PLD5: variants seen among roughly 807,000 people sequenced by gnomAD.
The protein encoded by PLD5 is inactive phospholipase D5.
A neutral mutation model predicts 61.1 loss-of-function variants in PLD5; 36 were observed. That is an observed-to-expected ratio of 0.59 (90% CI 0.45 to 0.78). The LOEUF is 0.78. PLD5 is among the 30% of genes least tolerant of loss of function. The probability of loss-of-function intolerance (pLI) is 0.00; values close to 1 mark genes in which losing one functional copy is unlikely to be tolerated. For synonymous variants in PLD5, 243 were observed against 242.8 expected (o/e 1.00, Z -0.01); for missense variants, 515 against 644.4 (o/e 0.80, Z 2.17).
At chr1:242,155,050 G>A (rs1017971966) in intron 5 of PLD5, among the ~76,000 whole-genome samples, 19 of 151,964 alleles carry the variant, frequency 1.3e-4, no homozygotes, top group Non-Finnish European at 2.6e-4. Flanking sequence ...TCAGGGATTT[G>A]GCTTCTTCCT....
At chr1:242,439,725 A>G (rs1295249500) in intron 1 of PLD5, among the ~76,000 whole-genome samples, 1 of 152,216 alleles carries the variant, frequency 6.6e-6, no homozygotes, top group Non-Finnish European at 1.5e-5. Context: ...CATTTGTCTC[A>G]TCTTCCTCTG....
intron 1 of PLD5, among the ~76,000 whole-genome samples, chr1:242,506,560 C>T (rs920909909): frequency 7.2e-5 from 11 of 152,112 alleles, no homozygotes; most frequent in Non-Finnish European, 1.3e-4. Context: ...CAGGATGTAA[C>T]CCAGGCACTG....
intron 6 of PLD5, among the ~76,000 whole-genome samples, chr1:242,118,643 A>T (rs1662132285): frequency 6.6e-6 from 1 of 152,218 alleles, no homozygotes; most frequent in Non-Finnish European, 1.5e-5. Flanking sequence ...GGGTATTTCC[A>T]AACCTGTGTC....
At chr1:242,213,161 G>T (rs1669935896) in intron 5 of PLD5, among the ~76,000 whole-genome samples, 1 of 152,134 alleles carries the variant, frequency 6.6e-6, no homozygotes, top group African/African-American at 2.4e-5. Flanking sequence ...TGACTTAAAA[G>T]ACTGTTTTTA....
At chr1:242,351,269 G>A (rs1007879441) in intron 1 of PLD5, among the ~76,000 whole-genome samples, 2 of 152,106 alleles carry the variant, frequency 1.3e-5, no homozygotes, top group African/African-American at 2.4e-5. Flanking sequence ...CAAATAGAAG[G>A]TGTTCAAGAA....
Position 242,194,606 on chromosome 1 carries a change from G to GTATC in PLD5, c.735+25378_735+25381dup, listed in dbSNP as rs61470956. Reference sequence around the variant, plus strand: ...TCTATCTATCTATCTATCTATCTATGTATCTATCTATGTATCTATCTATCT... The same window carrying GTATC: ...TCTATCTATCTATCTATCTATCTATGTATCTATCTATCTATGTATCTATCTATCT... On this transcript the variant is annotated intron_variant, in intron 5 of 9. Transcript: ENST00000536534. Among the ~76,000 whole-genome samples, 886 of 123,518 alleles carry GTATC rather than the reference G, an allele frequency of 7.2e-3. 8 individuals are homozygous for GTATC. Among genetic ancestry groups the GTATC allele is most frequent in the African/African-American group, 0.011 (352 of 33,022 alleles). The allele number at this position is 123,518 out of a possible 152,430, so 81.0% of individuals were successfully genotyped here. A position where few individuals can be genotyped will look rare whatever the true frequency, so the allele number is the denominator to read the frequency against.
At chr1:242,280,081 T>C (rs964209079) in intron 3 of PLD5, among the ~76,000 whole-genome samples, 3 of 152,196 alleles carry the variant, frequency 2.0e-5, no homozygotes, top group Non-Finnish European at 2.9e-5. Context: ...TATTATCTAA[T>C]TGAATTCACC....
chr1:242,110,882 C>G (rs1439211056), intron 7 of PLD5, among the ~76,000 whole-genome samples: 1 of 152,136 alleles, frequency 6.6e-6, no homozygotes, highest in African/African-American at 2.4e-5. Context: ...AAAGGCTAAT[C>G]AGGCTACATT....
At chr1:242,160,326 AG>A (rs11349194) in intron 5 of PLD5, among the ~76,000 whole-genome samples, 11,632 of 152,210 alleles carry the variant, frequency 0.076, 542 homozygotes, top group Middle Eastern at 0.13. Flanking sequence ...TTTTAGAATC[AG>A]AAGTTAATAT....
chr1:242,271,451 T>C (rs1436032935), intron 3 of PLD5, among the ~76,000 whole-genome samples: 1 of 152,100 alleles, frequency 6.6e-6, no homozygotes, highest in Non-Finnish European at 1.5e-5. Context: ...CTATATTCTG[T>C]AAAATTACTT....
At chr1:242,314,491 C>A (rs1253547069) in intron 2 of PLD5, among the ~76,000 whole-genome samples, 5 of 152,282 alleles carry the variant, frequency 3.3e-5, no homozygotes, top group African/African-American at 9.6e-5. Flanking sequence ...CAAACTTGCC[C>A]AAGTGTCCTC....
intron 4 of PLD5, among the ~76,000 whole-genome samples, chr1:242,255,632 A>G (rs1672973023): frequency 6.6e-6 from 1 of 152,272 alleles, no homozygotes; most frequent in African/African-American, 2.4e-5. Flanking sequence ...GCTCAGATTT[A>G]GGAATATATT....
intron 1 of PLD5, among the ~76,000 whole-genome samples, chr1:242,399,726 T>G (rs1192280738): frequency 1.3e-5 from 2 of 152,246 alleles, no homozygotes; most frequent in Middle Eastern, 3.4e-3. Context: ...TATTAGGAAC[T>G]GAGCCCCACA....
rs59783629 is a variant in PLD5, at chr1:242,254,348, GAA to G, written c.607+10987_607+10988del. Reference sequence around the variant, plus strand: ...AGGTTATTATTATCCTCATTTAACTGAAAAAAAAAAAAAAAAAGAAAGAAAGG... The same window carrying G: ...AGGTTATTATTATCCTCATTTAACTGAAAAAAAAAAAAAAAGAAAGAAAGG... On this transcript the variant is annotated intron_variant, in intron 4 of 9. Coordinates refer to ENST00000536534, the MANE Select transcript of PLD5 (RefSeq NM_001372062.1). Among the ~76,000 whole-genome samples the G allele has an allele frequency of 7.5e-3, 1,000 of 132,670 alleles. 17 individuals are homozygous for G. Among genetic ancestry groups the G allele is most frequent in the Admixed American group, 0.047 (629 of 13,394 alleles). 87.0% of individuals were successfully genotyped at this position (132,670 alleles called of 152,430 possible).
chr1:242,147,333 CA>C (rs569290243), intron 5 of PLD5, among the ~76,000 whole-genome samples: 71 of 152,286 alleles, frequency 4.7e-4, no homozygotes, highest in African/African-American at 1.6e-3. Context: ...TGCTGTTGTG[CA>C]AAACAGTAGT....
intron 4 of PLD5, among the ~76,000 whole-genome samples, chr1:242,233,096 G>A (rs1005590908): frequency 6.8e-4 from 103 of 152,174 alleles, no homozygotes; most frequent in African/African-American, 2.4e-3. Context: ...CAAGGTTGCA[G>A]TGAGCTGAGA....
chr1:242,430,450 T>A (rs1469208334), intron 1 of PLD5, among the ~76,000 whole-genome samples: 1 of 152,122 alleles, frequency 6.6e-6, no homozygotes, highest in Non-Finnish European at 1.5e-5. Context: ...CATCTAAAGC[T>A]AATTACCTCT....
At chr1:242,221,697 C>CA (rs941519590) in intron 4 of PLD5, among the ~76,000 whole-genome samples, 4 of 151,954 alleles carry the variant, frequency 2.6e-5, no homozygotes, top group African/African-American at 9.7e-5. Flanking sequence ...TAGTAACATC[C>CA]AAAAAAGAGT....
Position 242,150,448 on chromosome 1 carries a change from C to T in PLD5, c.736-25783G>A, listed in dbSNP as rs114404178. ...GTGGGTTTGTTTATTTCTCCTTATA[C>T]TATTATTTGTTTTTGCTTTATATAT... On this transcript the variant is annotated intron_variant, in intron 5 of 9. Coordinates refer to ENST00000536534, the MANE Select transcript of PLD5 (RefSeq NM_001372062.1). Among the ~76,000 whole-genome samples the T allele has an allele frequency of 3.6e-3, 552 of 151,742 alleles. 6 individuals carry two copies. The highest frequency in any genetic ancestry group is 0.012 in the African/African-American group (513 of 41,484).
Sources: gnomAD v4.1 joint callset for allele counts (sites outside exome capture counted in the v4.1 genomes callset) on GRCh38, gnomAD v4.1.1 for gene constraint, MANE v1.5 for transcripts, NCBI Gene and HGNC (gene_info 2026-07-23, HGNC 2026-07-21) for gene names.